MAF: variants seen among roughly 807,000 people sequenced by gnomAD.
The protein encoded by MAF is transcription factor Maf.
Under a neutral mutation model 22.0 loss-of-function variants are expected in MAF, and 10 were observed. That is an observed-to-expected ratio of 0.45 (90% CI 0.28 to 0.77). MAF has a LOEUF of 0.77. MAF is among the 30% of genes least tolerant of loss of function. The pLI is 0.12. For synonymous variants in MAF, 337 were observed against 255.8 expected (o/e 1.32, Z -3.03); for missense variants, 544 against 548.4 (o/e 0.99, Z 0.08).
chr16:79,597,809 T>A (rs1490355187), intron 1 of MAF: 108 of 1,021,698 alleles, frequency 1.1e-4, no homozygotes, highest in Non-Finnish European at 1.3e-4. Context: ...GCTTTTTTTT[T>A]TTATTAATAT....
chr16:79,582,932 A>AT (rs1875914679), downstream of MAF, among the ~76,000 whole-genome samples: 1 of 152,172 alleles, frequency 6.6e-6, no homozygotes, highest in Admixed American at 6.5e-5. Flanking sequence ...GATTTTTCAA[A>AT]TAGAGGCACC....
the MAF span, among the ~76,000 whole-genome samples, chr16:79,276,339 G>T: frequency 4.6e-5 from 7 of 152,086 alleles, no homozygotes; most frequent in Admixed American, 1.3e-4. Flanking sequence ...GGGGTCCCCA[G>T]CACAGATTTG....
intron 1 of MAF, chr16:79,596,228 G>A (rs541822345): frequency 1.9e-6 from 2 of 1,060,606 alleles, no homozygotes; most frequent in Admixed American, 5.4e-5. Context: ...GGCAATTATG[G>A]CTCAACTCAT....
chr16:79,363,777 T>G, the MAF span, among the ~76,000 whole-genome samples: 1 of 152,088 alleles, frequency 6.6e-6, no homozygotes, highest in Non-Finnish European at 1.5e-5. Flanking sequence ...TGGTAAGAGT[T>G]GTAAAGGATC....
chr16:79,505,909 C>T, the MAF span, among the ~76,000 whole-genome samples: 7 of 151,110 alleles, frequency 4.6e-5, no homozygotes, highest in Non-Finnish European at 8.8e-5. Flanking sequence ...TCTGCACACC[C>T]AACGCAAAGA....
the MAF span, among the ~76,000 whole-genome samples, chr16:79,431,708 T>A: frequency 2.0e-4 from 30 of 152,318 alleles, no homozygotes; most frequent in South Asian, 2.1e-3. Context: ...AAACCTCCCG[T>A]GATTTCATTT....
chr16:79,398,910 C>G, the MAF span, among the ~76,000 whole-genome samples: 1 of 152,198 alleles, frequency 6.6e-6, no homozygotes, highest in Non-Finnish European at 1.5e-5. Flanking sequence ...CCCCATGGCT[C>G]CCTGGAAGAA....
the MAF span, among the ~76,000 whole-genome samples, chr16:79,240,266 T>C: frequency 6.6e-6 from 1 of 151,342 alleles, no homozygotes; most frequent in Non-Finnish European, 1.5e-5. Flanking sequence ...TTGGAAGACA[T>C]GGTTTTCTTG....
chr16:79,309,088 G>A, the MAF span, among the ~76,000 whole-genome samples: 15 of 152,286 alleles, frequency 9.8e-5, no homozygotes, highest in African/African-American at 3.4e-4. Context: ...GTGGGAGGTG[G>A]AAGGGAACAA....
chr16:79,303,959 A>G, the MAF span, among the ~76,000 whole-genome samples: 1 of 152,232 alleles, frequency 6.6e-6, no homozygotes, highest in African/African-American at 2.4e-5. Context: ...CAAAAGACTC[A>G]TTGCAAAAGA....
the MAF span, among the ~76,000 whole-genome samples, chr16:79,422,025 G>A: frequency 6.6e-6 from 1 of 152,248 alleles, no homozygotes; most frequent in South Asian, 2.1e-4. Context: ...TGATCCACCC[G>A]CCTTGGCCTC....
chr16:79,289,448 C>A, the MAF span, among the ~76,000 whole-genome samples: 8 of 152,166 alleles, frequency 5.3e-5, no homozygotes, highest in East Asian at 1.5e-3. Flanking sequence ...GTTTGGCTAC[C>A]CACCGTGAGA....
At chr16:79,308,198 A>G in the MAF span, among the ~76,000 whole-genome samples, 1 of 152,222 alleles carries the variant, frequency 6.6e-6, no homozygotes, top group Non-Finnish European at 1.5e-5. Context: ...GAATTGACCC[A>G]ACACGGGTCC....
the MAF span, among the ~76,000 whole-genome samples, chr16:79,514,813 G>A: frequency 6.6e-6 from 1 of 152,132 alleles, no homozygotes. Context: ...ATAGCGGCTT[G>A]GAAGCCAGAT....
At chr16:79,288,880 C>G in the MAF span, among the ~76,000 whole-genome samples, 2 of 152,292 alleles carry the variant, frequency 1.3e-5, no homozygotes, top group East Asian at 3.9e-4. Context: ...CAGGCACGCA[C>G]CACCATGCCC....
the MAF span, chr16:79,212,013 G>T: frequency 6.5e-7 from 1 of 1,536,272 alleles, no homozygotes; most frequent in Non-Finnish European, 8.7e-7. Flanking sequence ...GCTAGGCATA[G>T]GTCTCTTTGC....
the MAF span, among the ~76,000 whole-genome samples, chr16:79,502,748 T>TA: frequency 6.2e-5 from 7 of 112,116 alleles, no homozygotes; most frequent in African/African-American, 2.7e-4. Context: ...TATATATATA[T>TA]ATATATAAAG....
the MAF span, among the ~76,000 whole-genome samples, chr16:79,376,540 A>C: frequency 6.6e-6 from 1 of 151,736 alleles, no homozygotes; most frequent in East Asian, 1.9e-4. Context: ...CTTTTTTTAA[A>C]TTATACTTTA....
In MAF at chr16:79,594,507, A is replaced by G; in HGVS notation, c.1165T>C (p.Phe389Leu). The change falls in exon 2 of 2, where the codon TTT becomes CTT. Residue 389 changes from phenylalanine (F) to leucine (L), a missense_variant. Around this residue, in one of 5 missense-constraint regions of MAF, gnomAD observed 129 missense variants for 113.6 expected, o/e 1.14. Transcript: ENST00000326043. ...AGTACACGATGCTGGGGCTTCCAAA[A>G]TGTGGCGTATCCCACTGATGGCTCC... is the stretch of plus-strand genomic sequence containing the variant. ...KLEPSVGYAT[F>L]WKPQHRVLTS... is the part of the protein sequence containing the mutation. The G allele has an allele frequency of 6.4e-7, 1 of 1,567,584 alleles. No homozygotes were observed. Among genetic ancestry groups the G allele is most frequent in the Non-Finnish European group, 8.7e-7 (1 of 1,153,368 alleles).
Sources: gnomAD v4.1 joint callset for allele counts (sites outside exome capture counted in the v4.1 genomes callset) on GRCh38, gnomAD v4.1.1 for gene constraint, gnomAD v4.1.1 regional missense constraint, MANE v1.5 for transcripts, NCBI Gene and HGNC (gene_info 2026-07-23, HGNC 2026-07-21) for gene names.